Variants in PLCB1 observed in about 807,000 individuals in gnomAD.
PLCB1 encodes the protein 1-phosphatidylinositol 4,5-bisphosphate phosphodiesterase beta-1.
In PLCB1, 46 loss-of-function variants were observed where a neutral mutation model predicts 161.8. The observed-to-expected ratio is 0.28, with a 90% CI of 0.22 to 0.36. The LOEUF (loss-of-function observed/expected upper bound fraction) is 0.36. PLCB1 is among the 10% of genes least tolerant of loss of function. The pLI is 1.00. For missense variants in PLCB1, 1,016 were observed against 1,472.5 expected, an observed-to-expected ratio of 0.69 and a Z score of 5.07; for synonymous variants, 517 against 503.7, an observed-to-expected ratio of 1.03 and a Z score of -0.35.
intron 11 of PLCB1, among the ~76,000 whole-genome samples, chr20:8,704,004 T>C (rs578058086): frequency 6.6e-6 from 1 of 152,296 alleles, no homozygotes; most frequent in East Asian, 1.9e-4. Context: ...CTTTCATTAT[T>C]AAAGGCAGCT....
At chr20:8,240,397 G>A (rs1410276608) in intron 2 of PLCB1, among the ~76,000 whole-genome samples, 1 of 151,752 alleles carries the variant, frequency 6.6e-6, no homozygotes, top group East Asian at 1.9e-4. Flanking sequence ...ACTTAGTGAT[G>A]TATCTTAGAG....
At chr20:8,500,340 A>G (rs1430296967) in intron 3 of PLCB1, among the ~76,000 whole-genome samples, 1 of 152,344 alleles carries the variant, frequency 6.6e-6, no homozygotes, top group East Asian at 1.9e-4. Context: ...ACATACATTT[A>G]CATTCGGATT....
intron 3 of PLCB1, among the ~76,000 whole-genome samples, chr20:8,519,917 AC>A (rs921052365): frequency 3.3e-5 from 5 of 152,170 alleles, no homozygotes; most frequent in African/African-American, 1.2e-4. Flanking sequence ...TTGGGCCAGA[AC>A]CATCAGTTTA....
chr20:8,706,816 A>C (rs536333934), intron 11 of PLCB1, among the ~76,000 whole-genome samples: 1 of 152,172 alleles, frequency 6.6e-6, no homozygotes, highest in African/African-American at 2.4e-5. Flanking sequence ...AATCAAGAAT[A>C]GATAACCATC....
intron 27 of PLCB1, among the ~76,000 whole-genome samples, chr20:8,781,417 A>AACAC (rs745610188): frequency 2.3e-3 from 66 of 28,142 alleles, no homozygotes; most frequent in Middle Eastern, 0.018. Context: ...CACACACACA[A>AACAC]ACACACACAC....
At chr20:8,285,542 G>C (rs910483904) in intron 2 of PLCB1, among the ~76,000 whole-genome samples, 2 of 152,044 alleles carry the variant, frequency 1.3e-5, no homozygotes, top group African/African-American at 2.4e-5. Context: ...TCATGTGGCT[G>C]GTTCATTGAT....
chr20:8,206,998 C>A (rs6133553), intron 2 of PLCB1, among the ~76,000 whole-genome samples: 1 of 94,512 alleles, frequency 1.1e-5, no homozygotes, highest in Non-Finnish European at 2.3e-5. Flanking sequence ...AAAATTGTGC[C>A]TTCACTCTGA....
intron 2 of PLCB1, among the ~76,000 whole-genome samples, chr20:8,300,055 G>C (rs140023676): frequency 6.6e-6 from 1 of 152,108 alleles, no homozygotes; most frequent in Admixed American, 6.5e-5. Context: ...ACTGACCTTG[G>C]CTGAGCTCAC....
chr20:8,873,218 T>C (rs1240576919), intron 31 of PLCB1, among the ~76,000 whole-genome samples: 10 of 152,178 alleles, frequency 6.6e-5, no homozygotes, highest in Non-Finnish European at 1.3e-4. Context: ...AAATTTCTTA[T>C]GATCCTGTTA....
In PLCB1 at chr20:8,788,637, A is replaced by T; in HGVS notation, c.3193A>T (p.Lys1065Ter). ...KKLKEICEKE[K>*]KELKKKMDKK... is the part of the protein sequence containing the mutation. ...TTACTTCCATTGTGACTTCAGAGAA[A>T]AGAAAGAATTAAAGAAGAAAATGGA... Residue 1065 changes from lysine (K) to a stop codon, truncating the protein, a stop_gained, in exon 29 of 32, where the codon AAG (lysine) becomes TAG (stop). Coordinates refer to ENST00000338037, the MANE Select transcript of PLCB1 (RefSeq NM_015192.4). LOFTEE classifies it high-confidence loss of function. The T allele has an allele frequency of 6.2e-7, 1 of 1,607,334 alleles. No homozygotes were observed. The highest frequency in any genetic ancestry group is 8.5e-7 in the Non-Finnish European group (1 of 1,176,736).
intron 12 of PLCB1, among the ~76,000 whole-genome samples, chr20:8,712,862 G>C (rs2123459570): frequency 6.6e-6 from 1 of 152,324 alleles, no homozygotes; most frequent in Admixed American, 6.5e-5. Flanking sequence ...AGCTCAAAAT[G>C]CATTTGTGAT....
intron 2 of PLCB1, among the ~76,000 whole-genome samples, chr20:8,289,947 C>T (rs968508513): frequency 6.6e-6 from 1 of 152,134 alleles, no homozygotes; most frequent in Non-Finnish European, 1.5e-5. Context: ...TCATTTGATT[C>T]ATCTTTTGTA....
chr20:8,731,624 G>A (rs1388888104), intron 18 of PLCB1, among the ~76,000 whole-genome samples: 2 of 151,872 alleles, frequency 1.3e-5, no homozygotes, highest in Non-Finnish European at 2.9e-5. Context: ...GACATCCATT[G>A]GGATGATCAT....
At chr20:8,804,520 C>G (rs778377133) in intron 31 of PLCB1, among the ~76,000 whole-genome samples, 25 of 152,054 alleles carry the variant, frequency 1.6e-4, no homozygotes, top group Admixed American at 5.9e-4. Context: ...AAAGAAAATC[C>G]CATTATAGCA....
At chr20:8,863,086 G>A (rs1243243411) in intron 31 of PLCB1, among the ~76,000 whole-genome samples, 2 of 152,166 alleles carry the variant, frequency 1.3e-5, no homozygotes, top group Non-Finnish European at 2.9e-5. Flanking sequence ...AACTGAGCAG[G>A]CAGTTTCAGC....
intron 27 of PLCB1, among the ~76,000 whole-genome samples, chr20:8,785,108 AG>A (rs5840285): frequency 0.32 from 48,269 of 151,776 alleles, 8,193 homozygotes; most frequent in East Asian, 0.5. Flanking sequence ...AAAACCAATT[AG>A]GGGGCCAACA....
chr20:8,328,544 T>C (rs1985245875), intron 2 of PLCB1, among the ~76,000 whole-genome samples: 1 of 151,494 alleles, frequency 6.6e-6, no homozygotes, highest in Non-Finnish European at 1.5e-5. Flanking sequence ...ATCATTTCTG[T>C]AGGTGTGTTT....
chr20:8,171,976 C>T (rs62198558), intron 2 of PLCB1, among the ~76,000 whole-genome samples: 27,192 of 151,990 alleles, frequency 0.18, 2,604 homozygotes, highest in African/African-American at 0.24. Flanking sequence ...TCTGTTGTTG[C>T]GTATCATATG....
chr20:8,256,093 G>A (rs1281188045), intron 2 of PLCB1, among the ~76,000 whole-genome samples: 3 of 152,054 alleles, frequency 2.0e-5, no homozygotes, highest in East Asian at 3.9e-4. Flanking sequence ...ACTCTGCGAT[G>A]TTTGCACAAT....
Sources: gnomAD v4.1 joint callset for allele counts (sites outside exome capture counted in the v4.1 genomes callset) on GRCh38, gnomAD v4.1.1 for gene constraint, MANE v1.5 for transcripts, NCBI Gene and HGNC (gene_info 2026-07-23, HGNC 2026-07-21) for gene names.